MTR: variants seen among roughly 807,000 people sequenced by gnomAD.
The protein encoded by MTR is methionine synthase.
MTR carries 84 observed loss-of-function variants against 154.8 expected under a neutral mutation model. That is an observed-to-expected ratio of 0.54 (90% confidence interval 0.45 to 0.65). The LOEUF (loss-of-function observed/expected upper bound fraction) is 0.65, where lower values mean the gene tolerates loss of function less well. MTR is among the 30% of genes least tolerant of loss of function. The pLI, the probability that MTR is intolerant of heterozygous loss-of-function variation, is 0.00. For missense variants in MTR, 1,275 were observed against 1,570.2 expected (o/e 0.81, Z 3.18); for synonymous variants, 554 against 553.9 (o/e 1.00, Z 0.00).
Position 236,900,224 on chromosome 1 carries a change from T to A in MTR, c.*2580T>A. On this transcript the variant is annotated 3_prime_UTR_variant, in exon 33 of 33. Coordinates refer to ENST00000366577, the MANE Select transcript of MTR (RefSeq NM_000254.3). ...TATATATATTCATTCTACGGGATAT[T>A]ATTCAGTAGTGGAAATGAGTGAACT... is the stretch of plus-strand genomic sequence containing the variant. The A allele has an allele frequency of 3.0e-6, 1 of 334,124 alleles. No individual in the cohort carries two copies. The highest frequency in any genetic ancestry group is 6.0e-6 in the Non-Finnish European group (1 of 166,232). The allele number at this position is 334,124 out of a possible 1,614,324, so 20.7% of individuals were successfully genotyped here.
intron 11 of MTR, among the ~76,000 whole-genome samples, chr1:236,828,900 C>G (rs868122824): frequency 4.6e-5 from 7 of 152,038 alleles, no homozygotes; most frequent in Middle Eastern, 3.4e-3. Flanking sequence ...TGTATTTGTG[C>G]AAACTGTCAT....
At chr1:236,803,752 G>A in intron 2 of MTR, 110 bp downstream of exon 2, 1 of 1,080,688 alleles carries the variant, frequency 9.3e-7, no homozygotes, top group South Asian at 1.3e-5. Context: ...AGAATAAAGA[G>A]GCAATTTATT....
intron 1 of MTR, among the ~76,000 whole-genome samples, chr1:236,800,824 T>C (rs1660662921): frequency 6.6e-6 from 1 of 152,244 alleles, no homozygotes; most frequent in South Asian, 2.1e-4. Context: ...GTCCAGTTCT[T>C]AACACATGGT....
At chr1:236,827,795 A>G (rs971911442) in intron 11 of MTR, among the ~76,000 whole-genome samples, 1 of 152,160 alleles carries the variant, frequency 6.6e-6, no homozygotes, top group Non-Finnish European at 1.5e-5. Flanking sequence ...GAATTCAGTG[A>G]AATGGAACAT....
At chr1:236,890,085 C>T (rs1666233057) in intron 28 of MTR, among the ~76,000 whole-genome samples, 1 of 152,086 alleles carries the variant, frequency 6.6e-6, no homozygotes, top group African/African-American at 2.4e-5. Context: ...GGGGTAGACT[C>T]ACAGAAGCAT....
chr1:236,880,246 A>G (rs111931082), intron 24 of MTR, among the ~76,000 whole-genome samples: 1,802 of 152,290 alleles, frequency 0.012, 23 homozygotes, highest in African/African-American at 0.04. Context: ...GGGGTTCCAT[A>G]CTGCAAGTAC....
At chr1:236,869,438 TC>T (rs1664998278) in intron 22 of MTR, among the ~76,000 whole-genome samples, 1 of 152,208 alleles carries the variant, frequency 6.6e-6, no homozygotes. Context: ...CCTCAAGTGA[TC>T]CTCCTGCCTT....
chr1:236,875,172 G>C (rs1374006003), intron 24 of MTR, among the ~76,000 whole-genome samples: 1 of 152,204 alleles, frequency 6.6e-6, no homozygotes, highest in African/African-American at 2.4e-5. Context: ...AAACCGAGTG[G>C]AGAAGCTGTG....
chr1:236,829,353 G>C, intron 12 of MTR, 85 bp downstream of exon 12: 1 of 1,145,206 alleles, frequency 8.7e-7, no homozygotes, highest in Non-Finnish European at 1.3e-6. Context: ...GTTTGTGCTA[G>C]GCAGCTTGCT....
Position 236,873,843 on chromosome 1 carries a change from A to T in MTR, c.2473+3A>T. The T allele has an allele frequency of 6.2e-7, 1 of 1,613,454 alleles. No homozygotes were observed. The highest frequency in any genetic ancestry group is 1.1e-5 in the South Asian group (1 of 91,080). On this transcript the variant is annotated splice_donor_region_variant and intron_variant, in intron 23 of 32. Transcript: ENST00000366577. ...AGCTGCTCTTGACCACAAAGCAGGT[A>T]CTGTGCAACTATACTTTGGGCATTT...
chr1:236,858,012 G>A (rs1002464453), intron 18 of MTR, among the ~76,000 whole-genome samples: 2 of 152,180 alleles, frequency 1.3e-5, no homozygotes, highest in Non-Finnish European at 2.9e-5. Flanking sequence ...AAATGCGAAG[G>A]CCTGGTGGTA....
Position 236,859,901 on chromosome 1 carries a change from C to T in MTR, c.2022C>T (p.Arg674=), listed in dbSNP as rs2103291244. ...DEWRNGPVEE[R]LEYALVKGIE... is the part of the protein sequence containing the mutation. Reference sequence around the variant, plus strand: ...GGAGAAATGGCCCTGTCGAAGAACGCCTTGAGTATGCCCTTGTGAAGGTAA... The same window carrying T: ...GGAGAAATGGCCCTGTCGAAGAACGTCTTGAGTATGCCCTTGTGAAGGTAA... Residue 674 remains arginine, a synonymous_variant, in exon 19 of 33, where the codon CGC becomes CGT. Transcript: ENST00000366577. 6.2e-7 allele frequency: 1 copy of T among 1,613,898 alleles called. No homozygotes were observed. The highest frequency in any genetic ancestry group is 8.5e-7 in the Non-Finnish European group (1 of 1,179,884).
intron 15 of MTR, among the ~76,000 whole-genome samples, chr1:236,843,129 A>C (rs575268750): frequency 6.6e-6 from 1 of 151,186 alleles, no homozygotes; most frequent in African/African-American, 2.4e-5. Context: ...ACACACGTTG[A>C]ATGGTGTTGA....
At chr1:236,826,615 G>A (rs1317391226) in intron 10 of MTR, among the ~76,000 whole-genome samples, 1 of 152,172 alleles carries the variant, frequency 6.6e-6, no homozygotes. Flanking sequence ...ATTTTAAATG[G>A]TATAAAGGAT....
At chr1:236,820,896 A>G (rs1661898615) in intron 8 of MTR, among the ~76,000 whole-genome samples, 1 of 152,214 alleles carries the variant, frequency 6.6e-6, no homozygotes. Flanking sequence ...CCTTAAAAAC[A>G]TGATAATTTT....
At chr1:236,796,134 C>A (rs1479699050) in intron 1 of MTR, among the ~76,000 whole-genome samples, 1 of 152,124 alleles carries the variant, frequency 6.6e-6, no homozygotes, top group Non-Finnish European at 1.5e-5. Flanking sequence ...AAAGAAAGTT[C>A]AGGCGCGGAG....
intron 25 of MTR, 124 bp from the exon 26 acceptor site, chr1:236,884,997 C>T: frequency 1.4e-6 from 1 of 721,096 alleles, no homozygotes; most frequent in South Asian, 1.5e-5. Flanking sequence ...GGAATTAGCA[C>T]AGTTGGTGAA....
In MTR at chr1:236,903,741, T is replaced by G. The variant is rs1300963734; in HGVS notation, c.*6097T>G. 1.3e-5 allele frequency: 2 copies of G among 152,194 alleles called. No individual in the cohort carries two copies. The highest frequency in any genetic ancestry group is 2.1e-4 in the South Asian group (1 of 4,832). 9.4% of individuals were successfully genotyped at this position (152,194 alleles called of 1,614,324 possible). On this transcript the variant is annotated 3_prime_UTR_variant, in exon 33 of 33. Transcript: ENST00000366577. ...AACTTGCAGCAGGTGAGGAAGGAAC[T>G]CTGAACTCTCACAATCTTGTTTCTT...
intron 15 of MTR, among the ~76,000 whole-genome samples, chr1:236,841,016 C>T (rs1237205371): frequency 6.6e-6 from 1 of 152,138 alleles, no homozygotes; most frequent in Admixed American, 6.5e-5. Flanking sequence ...GTATTTTCTG[C>T]AAATAGTTAG....
Sources: gnomAD v4.1 joint callset for allele counts (sites outside exome capture counted in the v4.1 genomes callset) on GRCh38, gnomAD v4.1.1 for gene constraint, MANE v1.5 for transcripts, NCBI Gene and HGNC (gene_info 2026-07-23, HGNC 2026-07-21) for gene names.